Variants in ADGRA3 observed in about 807,000 individuals in gnomAD.
The protein encoded by ADGRA3 is G-protein coupled receptor 125.
A neutral mutation model predicts 119.8 loss-of-function variants in ADGRA3; 56 were observed. That is an observed-to-expected ratio of 0.47 (90% CI 0.38 to 0.58). The LOEUF is 0.58. Among genes scored for constraint, ADGRA3 ranks in the 20% least tolerant of loss-of-function variants. The pLI, the probability that ADGRA3 is intolerant of heterozygous loss-of-function variation, is 0.00. For missense variants in ADGRA3, 1,516 were observed against 1,649.0 expected, an observed-to-expected ratio of 0.92 and a Z score of 1.40; for synonymous variants, 607 against 623.8, an observed-to-expected ratio of 0.97 and a Z score of 0.40.
intron 1 of ADGRA3, among the ~76,000 whole-genome samples, chr4:22,494,410 CTCTG>C (rs761568579): frequency 6.6e-6 from 1 of 151,874 alleles, no homozygotes; most frequent in Non-Finnish European, 1.5e-5. Context: ...CTTGGGGCTG[CTCTG>C]TCTATGGAGT....
chr4:22,418,987 A>G (rs978413847), intron 12 of ADGRA3, among the ~76,000 whole-genome samples: 4 of 152,204 alleles, frequency 2.6e-5, no homozygotes, highest in African/African-American at 9.7e-5. Flanking sequence ...TTAGCTGAAG[A>G]GCCAGCCTAG....
At chr4:22,413,075 TAAAA>T in intron 14 of ADGRA3, 103 bp downstream of exon 14, 1 of 721,770 alleles carries the variant, frequency 1.4e-6, no homozygotes, top group Admixed American at 2.7e-5. Context: ...ATGTTAAAAG[TAAAA>T]AAAAAAAAAA....
At chr4:22,432,326 C>T (rs571464034) in intron 10 of ADGRA3, among the ~76,000 whole-genome samples, 15 of 152,014 alleles carry the variant, frequency 9.9e-5, no homozygotes, top group African/African-American at 4.8e-5. Flanking sequence ...GCAATCACTG[C>T]GTATAACAAA....
chr4:22,482,024 TAC>T (rs1464898997), intron 1 of ADGRA3, among the ~76,000 whole-genome samples: 2 of 152,228 alleles, frequency 1.3e-5, no homozygotes. Context: ...CATGGTTAGT[TAC>T]TTGGTTCATC....
At chr4:22,507,624 T>A (rs779224651) in intron 1 of ADGRA3, among the ~76,000 whole-genome samples, 2 of 152,142 alleles carry the variant, frequency 1.3e-5, no homozygotes, top group Non-Finnish European at 2.9e-5. Context: ...CCCACCAACT[T>A]CTCCTGGTGC....
Position 22,413,666 on chromosome 4 carries a change from G to T in ADGRA3, c.1958C>A (p.Ser653Ter). The T allele has an allele frequency of 6.2e-7, 1 of 1,613,972 alleles. No individual in the cohort carries two copies. The highest frequency in any genetic ancestry group is 8.5e-7 in the Non-Finnish European group (1 of 1,179,936). The change falls in exon 13 of 19, where the codon TCA becomes TAA. Residue 653 changes from serine to a stop codon, truncating the protein, a stop_gained. Coordinates refer to ENST00000334304, the MANE Select transcript of ADGRA3 (RefSeq NM_145290.4). LOFTEE classifies it high-confidence loss of function. ...TTTTCCATCATCAGCCAAATTTGTT[G>T]AATTTCCAGTGGCTGGAAAAAGCTT... The part of the protein sequence containing the change: ...NGKLFPATGN[S>*]TNLADDGKRR...
intron 10 of ADGRA3, among the ~76,000 whole-genome samples, chr4:22,434,622 G>C (rs1044070257): frequency 6.6e-6 from 1 of 152,058 alleles, no homozygotes; most frequent in Non-Finnish European, 1.5e-5. Flanking sequence ...AAGTTCTCAC[G>C]AAGCTTTAAA....
intron 1 of ADGRA3, among the ~76,000 whole-genome samples, chr4:22,507,012 C>T (rs749442714): frequency 1.3e-4 from 20 of 151,802 alleles, no homozygotes; most frequent in Non-Finnish European, 2.8e-4. Flanking sequence ...TCAAGGCGGG[C>T]GGATCACGAG....
Position 22,388,059 on chromosome 4 carries a change from G to A in ADGRA3, c.3612C>T (p.Asn1204=), listed in dbSNP as rs146569496. 3.3e-5 allele frequency: 54 copies of A among 1,614,112 alleles called. No individual in the cohort carries two copies. In the East Asian group the frequency reaches 4.2e-4, roughly 13 times the overall value. Residue 1204 remains asparagine, a synonymous_variant, in exon 19 of 19, where the codon AAC becomes AAT. Transcript: ENST00000334304. ...VPTSVEGSVQ[N]GLPKSRLGNN... is the part of the protein sequence containing the mutation. ...TGCCCAGCCGGCTTTTAGGTAAGCC[G>A]TTCTGCACGCTTCCTTCCACGCTCG...
intron 10 of ADGRA3, among the ~76,000 whole-genome samples, chr4:22,427,337 T>C (rs534637522): frequency 6.6e-6 from 1 of 152,268 alleles, no homozygotes; most frequent in African/African-American, 2.4e-5. Context: ...TATAGGGACC[T>C]GACATGAGAT....
intron 10 of ADGRA3, among the ~76,000 whole-genome samples, chr4:22,426,102 T>G (rs1715920259): frequency 6.6e-6 from 1 of 152,228 alleles, no homozygotes; most frequent in Non-Finnish European, 1.5e-5. Flanking sequence ...GCGCTTTTAC[T>G]GTTTTAATCC....
intron 10 of ADGRA3, among the ~76,000 whole-genome samples, chr4:22,433,072 C>T (rs957833976): frequency 6.6e-6 from 1 of 152,084 alleles, no homozygotes; most frequent in Non-Finnish European, 1.5e-5. Flanking sequence ...GTTCAAATTG[C>T]CAAAGAACTG....
chr4:22,472,922 G>A (rs532627872), intron 2 of ADGRA3: 28 of 152,170 alleles, frequency 1.8e-4, no homozygotes, highest in African/African-American at 4.1e-4. Flanking sequence ...CCGGTACAGC[G>A]TTCAGAATAC....
chr4:22,467,310 A>T (rs567152583), intron 2 of ADGRA3, among the ~76,000 whole-genome samples: 1 of 152,310 alleles, frequency 6.6e-6, no homozygotes, highest in East Asian at 1.9e-4. Flanking sequence ...GGTACAGTTA[A>T]TCATCAGGAC....
chr4:22,420,522 CCATGAAAA>C, intron 12 of ADGRA3: 1 of 292,706 alleles, frequency 3.4e-6, no homozygotes, highest in Non-Finnish European at 6.3e-6. Context: ...TTTTAGGGGC[CCATGAAAA>C]CATCTTATTG....
At chr4:22,448,115 T>G (rs763947855) in intron 4 of ADGRA3, among the ~76,000 whole-genome samples, 1 of 152,166 alleles carries the variant, frequency 6.6e-6, no homozygotes, top group African/African-American at 2.4e-5. Context: ...TTTGAATGAA[T>G]GGAACTCAGA....
chr4:22,516,028 G>GCCTCCC lies in ADGRA3; in HGVS notation c.-245_-244insGGGAGG, dbSNP rs1553884234. 11 of 157,912 alleles carry GCCTCCC rather than the reference G, an allele frequency of 7.0e-5. No individual in the cohort carries two copies. The East Asian group carries it at 2.1e-3, about 30-fold the overall frequency. The allele number at this position is 157,912 out of a possible 1,614,324, so 9.8% of individuals were successfully genotyped here. On this transcript the variant is annotated 5_prime_UTR_variant, in exon 1 of 19. Transcript: ENST00000334304. ...CGCTCTACCGCCCGGCGCGAGCACC[G>GCCTCCC]CCTCCTCCTCCTCCTCTGCCGCCGC...
chr4:22,434,042 T>A (rs537357168), intron 10 of ADGRA3, among the ~76,000 whole-genome samples: 4 of 151,702 alleles, frequency 2.6e-5, no homozygotes, highest in Non-Finnish European at 5.9e-5. Flanking sequence ...AATAACTACA[T>A]CCTATCAAGT....
intron 3 of ADGRA3, among the ~76,000 whole-genome samples, chr4:22,460,551 C>A (rs902246339): frequency 1.3e-5 from 2 of 152,154 alleles, no homozygotes; most frequent in Admixed American, 6.5e-5. Context: ...ATATATTTGC[C>A]TTCCCACAAT....
Sources: allele counts gnomAD v4.1 joint callset (sites outside exome capture counted in the v4.1 genomes callset), GRCh38; gene constraint gnomAD v4.1.1; transcripts MANE v1.5; gene names NCBI Gene and HGNC (gene_info 2026-07-23, HGNC 2026-07-21).